ARPP19: variants seen among roughly 807,000 people sequenced by gnomAD.
ARPP19 encodes the protein cAMP regulated phosphoprotein 19.
Under a neutral mutation model 12.0 loss-of-function variants are expected in ARPP19, and 8 were observed. The observed-to-expected ratio is 0.67, with a 90% confidence interval of 0.39 to 1.21. ARPP19 has a LOEUF of 1.21. Ranked by LOEUF, ARPP19 falls within the 50% of genes most tolerant of loss-of-function variation. ARPP19 has a pLI of 0.01. For synonymous variants in ARPP19, 47 were observed against 50.4 expected (o/e 0.93, Z 0.29); for missense variants, 102 against 136.3 (o/e 0.75, Z 1.25).
chr15:52,560,368 G>A (rs923944404), intron 1 of ARPP19, among the ~76,000 whole-genome samples: 2 of 149,460 alleles, frequency 1.3e-5, no homozygotes, highest in Non-Finnish European at 2.9e-5. Flanking sequence ...ATTAAAAAAT[G>A]TTTGGGTAAA....
In ARPP19 at chr15:52,569,009, A is replaced by C; in HGVS notation, c.-117T>G. ...GCCCGCCGGGCCGCCTCCGCCCGCG[A>C]AAATGGCCGCCGCCTTATGACGACA... On this transcript the variant is annotated 5_prime_UTR_variant, in exon 1 of 3. Transcript: ENST00000249822. 1 of 710,580 alleles carries C rather than the reference A, an allele frequency of 1.4e-6. No homozygotes were observed. Among genetic ancestry groups the C allele is most frequent in the Non-Finnish European group, 2.3e-6 (1 of 430,318 alleles). 44.0% of individuals were successfully genotyped at this position (710,580 alleles called of 1,614,324 possible).
At position 52,551,960 on chromosome 15, in the gene ARPP19, G is replaced by A. The variant is rs2077935829; in HGVS notation, c.313C>T (p.Leu105Phe). 1 of 1,613,654 alleles carries A rather than the reference G, an allele frequency of 6.2e-7. No individual in the cohort carries two copies. Among genetic ancestry groups the A allele is most frequent in the Non-Finnish European group, 8.5e-7 (1 of 1,179,640 alleles). Residue 105 changes from leucine (L) to phenylalanine (F), a missense_variant, in exon 3 of 3, where the codon CTT becomes TTT. Transcript: ENST00000249822. ...CAGCCAGCCAGCTTGCTAGCAACAA[G>A]GGACGGCTTCCGTTGAGGAAGGTCT... is the stretch of plus-strand genomic sequence containing the variant. ...PQDLPQRKPS[L>F]VASKLAG
At position 52,548,704 on chromosome 15, in the gene ARPP19, T is replaced by TC. The variant is rs1015946174; in HGVS notation, c.*3229dup. 1 of 152,434 alleles carries TC rather than the reference T, an allele frequency of 6.6e-6. No homozygotes were observed. Among genetic ancestry groups the TC allele is most frequent in the African/African-American group, 2.4e-5 (1 of 41,438 alleles). 9.4% of individuals were successfully genotyped at this position (152,434 alleles called of 1,614,324 possible). A position where few individuals can be genotyped will look rare whatever the true frequency, so the allele number is the denominator to read the frequency against. ...TCAGTACTATCTGAGGTTTCAGGCA[T>TC]CCACTAGGGGTCTTGGAATGTATCT... On this transcript the variant is annotated 3_prime_UTR_variant, in exon 3 of 3. Coordinates refer to ENST00000249822, the MANE Select transcript of ARPP19 (RefSeq NM_006628.6).
intron 2 of ARPP19, among the ~76,000 whole-genome samples, chr15:52,554,493 TGA>T (rs1490440341): frequency 2.6e-5 from 4 of 152,216 alleles, no homozygotes; most frequent in African/African-American, 9.6e-5. Context: ...ACAACGATGA[TGA>T]TATGTCTTTA....
intron 2 of ARPP19, among the ~76,000 whole-genome samples, chr15:52,556,669 G>A (rs968512830): frequency 2.6e-5 from 4 of 152,174 alleles, no homozygotes; most frequent in Non-Finnish European, 4.4e-5. Flanking sequence ...TTCAAAATAT[G>A]GGCAGAAGGA....
chr15:52,554,265 AG>A (rs746045720), intron 2 of ARPP19, among the ~76,000 whole-genome samples: 19 of 151,724 alleles, frequency 1.3e-4, no homozygotes, highest in Non-Finnish European at 2.7e-4. Context: ...ACTGTAGATT[AG>A]GCTACTCTGC....
At position 52,564,350 on chromosome 15, in the gene ARPP19, G is replaced by A. The variant is rs924707216; in HGVS notation, c.45+4498C>T. ...CTAGGTGAACCCAGGAGTTCAAGGC[G>A]GCAATATGCTATCATTGTGCCATTG... On this transcript the variant is annotated intron_variant, in intron 1 of 2. Transcript: ENST00000249822. The A allele has an allele frequency of 1.5e-4, 116 of 778,876 alleles. 1 individual carries two copies. The highest frequency in any genetic ancestry group is 5.2e-4 in the Admixed American group (25 of 48,090). The allele number at this position is 778,876 out of a possible 1,614,324, so 48.2% of individuals were successfully genotyped here. A position where few individuals can be genotyped will look rare whatever the true frequency, so the allele number is the denominator to read the frequency against.
chr15:52,558,385 G>A (rs1487273312), intron 1 of ARPP19, among the ~76,000 whole-genome samples: 1 of 151,774 alleles, frequency 6.6e-6, no homozygotes, highest in Non-Finnish European at 1.5e-5. Flanking sequence ...GGAAGGTTGA[G>A]GCTGCAGTGA....
At chr15:52,567,228 A>G (rs1461342667) in intron 1 of ARPP19, among the ~76,000 whole-genome samples, 1 of 152,260 alleles carries the variant, frequency 6.6e-6, no homozygotes, top group Non-Finnish European at 1.5e-5. Context: ...GATTTTAATG[A>G]CAGCAGCTAA....
chr15:52,553,090 C>A (rs1331919611), intron 2 of ARPP19, among the ~76,000 whole-genome samples: 8 of 151,968 alleles, frequency 5.3e-5, no homozygotes, highest in Admixed American at 3.3e-4. Flanking sequence ...AACAAAAAAA[C>A]CAACCCCCCC....
At chr15:52,556,710 T>G (rs954349546) in intron 2 of ARPP19, among the ~76,000 whole-genome samples, 6 of 152,132 alleles carry the variant, frequency 3.9e-5, no homozygotes, top group African/African-American at 1.2e-4. Flanking sequence ...GTGGCTGCTT[T>G]TGGAGAGATA....
intron 1 of ARPP19, among the ~76,000 whole-genome samples, chr15:52,559,110 C>G (rs1216054349): frequency 6.6e-6 from 1 of 152,196 alleles, no homozygotes; most frequent in African/African-American, 2.4e-5. Context: ...ATACTGTTTT[C>G]TGTGGAGCCT....
chr15:52,559,789 G>A (rs1299766957), intron 1 of ARPP19, among the ~76,000 whole-genome samples: 2 of 152,200 alleles, frequency 1.3e-5, no homozygotes, highest in Non-Finnish European at 2.9e-5. Context: ...GGTGTTCTCA[G>A]TGCTGCAGTT....
At chr15:52,553,569 T>C (rs2141723077) in intron 2 of ARPP19, among the ~76,000 whole-genome samples, 1 of 152,270 alleles carries the variant, frequency 6.6e-6, no homozygotes, top group Middle Eastern at 3.4e-3. Flanking sequence ...GTCAAGTAAA[T>C]CAACAATTAC....
chr15:52,562,007 G>T (rs2044972678), intron 1 of ARPP19, among the ~76,000 whole-genome samples: 1 of 149,436 alleles, frequency 6.7e-6, no homozygotes, highest in South Asian at 2.1e-4. Flanking sequence ...AGAACTCCTG[G>T]CCTCAAGCAA....
intron 2 of ARPP19, 120 bp downstream of exon 2, chr15:52,556,980 T>TACA (rs1157660835): frequency 1.9e-6 from 2 of 1,057,048 alleles, no homozygotes; most frequent in East Asian, 2.4e-5. Flanking sequence ...CAGATACATA[T>TACA]ACACATATGT....
chr15:52,551,136 G>A lies in ARPP19; in HGVS notation c.*798C>T, dbSNP rs2077926420. 1 of 152,634 alleles carries A rather than the reference G, an allele frequency of 6.6e-6. No homozygotes were observed. Among genetic ancestry groups the A allele is most frequent in the East Asian group, 1.9e-4 (1 of 5,204 alleles). 9.5% of individuals were successfully genotyped at this position (152,634 alleles called of 1,614,324 possible). A position where few individuals can be genotyped will look rare whatever the true frequency, so the allele number is the denominator to read the frequency against. Reference sequence around the variant, plus strand: ...TTGTGTAGGAACTCTTGTGCTTCTGGTTGGCACATTATCTACTTTTTAAGT... The same window carrying A: ...TTGTGTAGGAACTCTTGTGCTTCTGATTGGCACATTATCTACTTTTTAAGT... On this transcript the variant is annotated 3_prime_UTR_variant, in exon 3 of 3. Coordinates refer to ENST00000249822, the MANE Select transcript of ARPP19 (RefSeq NM_006628.6).
chr15:52,569,079 A>G (rs1181706871), upstream of ARPP19: 8 of 565,024 alleles, frequency 1.4e-5, no homozygotes, highest in Non-Finnish European at 2.2e-5. Flanking sequence ...CGCACGCCGG[A>G]GCCCGCCTGC....
chr15:52,552,009 A>G lies in ARPP19; in HGVS notation c.264T>C (p.Thr88=). The G allele has an allele frequency of 6.2e-7, 1 of 1,607,178 alleles. No homozygotes were observed. The highest frequency in any genetic ancestry group is 8.5e-7 in the Non-Finnish European group (1 of 1,173,590). ...CTTGCGGAGTGGGAATGTGGTCACC[A>G]GTGACCTCCGTCTTATCCGGAGCTG... The part of the protein sequence containing the change: ...PTAAPDKTEV[T]GDHIPTPQDL... The change falls in exon 3 of 3, where the codon ACT becomes ACC. Residue 88 remains threonine (T), a synonymous_variant. Transcript: ENST00000249822.
Sources: gnomAD v4.1 joint callset for allele counts (sites outside exome capture counted in the v4.1 genomes callset) on GRCh38, gnomAD v4.1.1 for gene constraint, MANE v1.5 for transcripts, NCBI Gene and HGNC (gene_info 2026-07-23, HGNC 2026-07-21) for gene names.